Variants in ST6GALNAC3 observed in about 807,000 individuals in gnomAD.
ST6GALNAC3 encodes ST6 N-acetylgalactosaminide alpha-2,6-sialyltransferase 3.
A neutral mutation model predicts 32.7 loss-of-function variants in ST6GALNAC3; 25 were observed. That is an observed-to-expected ratio of 0.76 (90% CI 0.56 to 1.07). ST6GALNAC3 has a LOEUF of 1.07. Among genes scored for constraint, ST6GALNAC3 ranks in the 50% least tolerant of loss-of-function variants. The pLI is 0.00. For missense variants in ST6GALNAC3, 355 were observed against 382.4 expected, an observed-to-expected ratio of 0.93 and a Z score of 0.60; for synonymous variants, 129 against 133.1, an observed-to-expected ratio of 0.97 and a Z score of 0.21.
chr1:76,569,775 A>G (rs551611369), intron 3 of ST6GALNAC3, among the ~76,000 whole-genome samples: 59 of 152,084 alleles, frequency 3.9e-4, no homozygotes, highest in Non-Finnish European at 7.2e-4. Flanking sequence ...AATAGCACTG[A>G]GTAATTGGGT....
intron 3 of ST6GALNAC3, among the ~76,000 whole-genome samples, chr1:76,474,617 G>A (rs143459536): frequency 2.0e-5 from 3 of 152,266 alleles, no homozygotes; most frequent in African/African-American, 4.8e-5. Context: ...GATGGAGTCA[G>A]GTGATTAGAA....
intron 1 of ST6GALNAC3, among the ~76,000 whole-genome samples, chr1:76,105,759 G>A (rs1647481892): frequency 6.6e-6 from 1 of 152,138 alleles, no homozygotes; most frequent in South Asian, 2.1e-4. Flanking sequence ...ACCACTCGAG[G>A]CATATATTAA....
chr1:76,513,785 A>G (rs1431076477), intron 3 of ST6GALNAC3, among the ~76,000 whole-genome samples: 1 of 152,212 alleles, frequency 6.6e-6, no homozygotes, highest in Non-Finnish European at 1.5e-5. Context: ...CTTCTAATCT[A>G]TAAATATGTG....
At chr1:76,296,029 G>A (rs1660384225) in intron 1 of ST6GALNAC3, among the ~76,000 whole-genome samples, 1 of 151,940 alleles carries the variant, frequency 6.6e-6, no homozygotes, top group South Asian at 2.1e-4. Flanking sequence ...CATATGTGGG[G>A]GTGGTGTGTT....
chr1:76,391,414 T>C (rs1240033324), intron 2 of ST6GALNAC3, among the ~76,000 whole-genome samples: 1 of 152,214 alleles, frequency 6.6e-6, no homozygotes, highest in African/African-American at 2.4e-5. Context: ...ATGTGGGTTA[T>C]GTGGGCAGGT....
At chr1:76,355,560 A>T (rs987426367) in intron 2 of ST6GALNAC3, among the ~76,000 whole-genome samples, 5 of 152,224 alleles carry the variant, frequency 3.3e-5, no homozygotes, top group Non-Finnish European at 1.5e-5. Context: ...TATAAAAAGT[A>T]GCATCTGTAA....
chr1:76,360,430 T>C (rs1649837648), intron 2 of ST6GALNAC3, among the ~76,000 whole-genome samples: 1 of 152,228 alleles, frequency 6.6e-6, no homozygotes, highest in Non-Finnish European at 1.5e-5. Context: ...TGTCAGCATA[T>C]GGTGCCTAAC....
chr1:76,210,046 T>A (rs1185755040), intron 1 of ST6GALNAC3, among the ~76,000 whole-genome samples: 1 of 151,890 alleles, frequency 6.6e-6, no homozygotes, highest in Admixed American at 6.6e-5. Context: ...GAGCTGCGTT[T>A]TTTTTTTTCT....
At chr1:76,400,738 T>C (rs1190727338) in intron 2 of ST6GALNAC3, among the ~76,000 whole-genome samples, 1 of 151,890 alleles carries the variant, frequency 6.6e-6, no homozygotes, top group African/African-American at 2.4e-5. Flanking sequence ...AATACAAAAA[T>C]TAGCTGGGCA....
At chr1:76,218,134 G>A (rs541624457) in intron 1 of ST6GALNAC3, among the ~76,000 whole-genome samples, 265 of 152,126 alleles carry the variant, frequency 1.7e-3, no homozygotes, top group African/African-American at 6.1e-3. Context: ...TTCCCACCAA[G>A]AGTGTAAAAG....
intron 1 of ST6GALNAC3, among the ~76,000 whole-genome samples, chr1:76,183,730 T>C (rs1324667596): frequency 6.6e-6 from 1 of 151,658 alleles, no homozygotes; most frequent in African/African-American, 2.4e-5. Flanking sequence ...GACACAATGG[T>C]AAGTATTTGT....
intron 3 of ST6GALNAC3, among the ~76,000 whole-genome samples, chr1:76,523,440 A>G (rs1191070272): frequency 6.6e-6 from 1 of 152,190 alleles, no homozygotes; most frequent in Non-Finnish European, 1.5e-5. Flanking sequence ...AATAAAGACT[A>G]CAGAGGCTCC....
intron 1 of ST6GALNAC3, among the ~76,000 whole-genome samples, chr1:76,270,987 C>T (rs1164048668): frequency 6.6e-6 from 1 of 152,178 alleles, no homozygotes; most frequent in African/African-American, 2.4e-5. Context: ...GGACAACGGG[C>T]TCAAAGAACA....
At position 76,328,167 on chromosome 1, in the gene ST6GALNAC3, T is replaced by G. The variant is rs184823427; in HGVS notation, c.213+14168T>G. On this transcript the variant is annotated intron_variant, in intron 2 of 4. Coordinates refer to ENST00000328299, the MANE Select transcript of ST6GALNAC3 (RefSeq NM_152996.4). ...CCCCAGGTTTTAGTCATATAATCAA[T>G]TACACAGAAAGGACATCCAATATGC... Among the ~76,000 whole-genome samples the G allele has an allele frequency of 3.3e-3, 505 of 152,268 alleles. 3 individuals are homozygous for G. Among genetic ancestry groups the G allele is most frequent in the African/African-American group, 0.012 (490 of 41,562 alleles).
intron 3 of ST6GALNAC3, among the ~76,000 whole-genome samples, chr1:76,627,138 A>T (rs2100724143): frequency 6.6e-6 from 1 of 152,036 alleles, no homozygotes; most frequent in African/African-American, 2.4e-5. Flanking sequence ...GTCTTATGGA[A>T]AATTAAATAA....
intron 3 of ST6GALNAC3, among the ~76,000 whole-genome samples, chr1:76,462,689 A>T (rs1658360832): frequency 6.6e-6 from 1 of 152,296 alleles, no homozygotes; most frequent in African/African-American, 2.4e-5. Flanking sequence ...ATCATTTAAG[A>T]CAGTGAAAGA....
Position 76,403,010 on chromosome 1 carries a change from C to A in ST6GALNAC3, c.214-8998C>A, listed in dbSNP as rs577198640. On this transcript the variant is annotated intron_variant, in intron 2 of 4. Coordinates refer to ENST00000328299, the MANE Select transcript of ST6GALNAC3 (RefSeq NM_152996.4). ...CAACCTCCTCCTCTCAAACTATAAG[C>A]CCTTAAAGTATCCTTCAGCCCAGAA... Among the ~76,000 whole-genome samples the A allele has an allele frequency of 2.0e-5, 3 of 152,004 alleles. No homozygotes were observed. In the South Asian group the frequency reaches 6.2e-4, roughly 32 times the overall value.
intron 1 of ST6GALNAC3, among the ~76,000 whole-genome samples, chr1:76,083,565 C>T (rs1371197360): frequency 6.6e-6 from 1 of 152,160 alleles, no homozygotes; most frequent in African/African-American, 2.4e-5. Flanking sequence ...AACAATAATA[C>T]CCTTATTTCA....
chr1:76,106,685 A>G lies in ST6GALNAC3; in HGVS notation c.18+31801A>G, dbSNP rs144085771. 4.6e-3 allele frequency among the ~76,000 whole-genome samples: 694 copies of G among 152,334 alleles called. 9 individuals are homozygous for G. Among genetic ancestry groups the G allele is most frequent in the African/African-American group, 0.015 (628 of 41,562 alleles). ...TTGAATTAAGCACACGGAAAAATCC[A>G]TAATCTAAACATGAGGGACATTAAG... On this transcript the variant is annotated intron_variant, in intron 1 of 4. Coordinates refer to ENST00000328299, the MANE Select transcript of ST6GALNAC3 (RefSeq NM_152996.4).
Sources: gnomAD v4.1 joint callset for allele counts (sites outside exome capture counted in the v4.1 genomes callset) on GRCh38, gnomAD v4.1.1 for gene constraint, MANE v1.5 for transcripts, NCBI Gene and HGNC (gene_info 2026-07-23, HGNC 2026-07-21) for gene names.